Variants in SDS observed in about 807,000 individuals in gnomAD.
The protein encoded by SDS is serine dehydratase, also known as L-serine dehydratase/L-threonine deaminase.
Under a neutral mutation model 29.3 loss-of-function variants are expected in SDS, and 19 were observed. The ratio of observed to expected loss-of-function variants is 0.65; its 90% CI spans 0.45 to 0.95. The LOEUF (loss-of-function observed/expected upper bound fraction) is 0.95. SDS is among the 40% of genes least tolerant of loss of function. The pLI is 0.00. For synonymous variants in SDS, 176 were observed against 189.0 expected, an observed-to-expected ratio of 0.93 and a Z score of 0.56; for missense variants, 375 against 439.9, an observed-to-expected ratio of 0.85 and a Z score of 1.32.
At chr12:113,403,106 C>G (rs888774852) in intron 1 of SDS, among the ~76,000 whole-genome samples, 3 of 152,126 alleles carry the variant, frequency 2.0e-5, no homozygotes, top group Non-Finnish European at 4.4e-5. Flanking sequence ...TGGACACAAA[C>G]TCAGTGTTTA....
chr12:113,400,868 C>A (rs1396521959), intron 1 of SDS, among the ~76,000 whole-genome samples: 1 of 151,856 alleles, frequency 6.6e-6, no homozygotes, highest in African/African-American at 2.4e-5. Context: ...TTAAAAAAAA[C>A]CTGGGCTGGG....
chr12:113,395,551 G>A (rs1051014757), intron 6 of SDS, among the ~76,000 whole-genome samples: 2 of 152,214 alleles, frequency 1.3e-5, no homozygotes, highest in African/African-American at 4.8e-5. Flanking sequence ...TCAGGCCAAC[G>A]AAAGGTAAGT....
chr12:113,402,572 C>T (rs1335796711), intron 1 of SDS, among the ~76,000 whole-genome samples: 1 of 152,188 alleles, frequency 6.6e-6, no homozygotes, highest in Non-Finnish European at 1.5e-5. Flanking sequence ...GGATTACAGG[C>T]GTGAGCCACC....
In SDS at chr12:113,393,022, G is replaced by A. The variant is rs774848424; in HGVS notation, c.906C>T (p.Val302=). ...RTPLPSLVVI[V]CGGSNISLAQ... is the part of the protein sequence containing the mutation. ...CCAGGCTGATGTTGCTGCCCCCGCA[G>A]ACGATGACCACGAGGGATGGCAGCG... The change falls in exon 8 of 8, where the codon GTC becomes GTT. Residue 302 remains valine, a synonymous_variant. Transcript: ENST00000257549. The A allele has an allele frequency of 6.2e-7, 1 of 1,614,234 alleles. No homozygotes were observed. The highest frequency in any genetic ancestry group is 8.5e-7 in the Non-Finnish European group (1 of 1,180,048).
chr12:113,398,378 G>C, intron 5 of SDS, 137 bp downstream of exon 5: 1 of 616,654 alleles, frequency 1.6e-6, no homozygotes, highest in Non-Finnish European at 2.8e-6. Context: ...GCCTAAGTGT[G>C]CTTCTACATG....
Position 113,397,244 on chromosome 12 carries a change from C to T in SDS, c.574G>A (p.Ala192Thr), listed in dbSNP as rs780817430. ...CTGTGGGCACCAAAAGTCTCCATGGCGATGACAGGCACGTCCCCCCAGCCC... is the reference window on the plus strand; with the variant it reads ...CTGTGGGCACCAAAAGTCTCCATGGTGATGACAGGCACGTCCCCCCAGCCC... ...EVGWGDVPVIAMETFGAHSFH... is the reference protein window; with the variant it reads ...EVGWGDVPVITMETFGAHSFH... Residue 192 changes from alanine to threonine, a missense_variant, in exon 6 of 8, where the codon GCC (alanine) becomes ACC (threonine). By Grantham distance (58) the Ala-to-Thr change is moderately conservative (BLOSUM62 0). Coordinates refer to ENST00000257549, the MANE Select transcript of SDS (RefSeq NM_006843.3). 7 of 1,614,160 alleles carry T rather than the reference C, an allele frequency of 4.3e-6. No individual in the cohort carries two copies. The highest frequency in any genetic ancestry group is 1.1e-5 in the South Asian group (1 of 91,076).
Position 113,398,536 on chromosome 12 carries a change from G to T in SDS, c.404C>A (p.Pro135His), listed in dbSNP as rs760055363. The T allele has an allele frequency of 1.2e-5, 19 of 1,590,736 alleles. No homozygotes were observed. Among genetic ancestry groups the T allele is most frequent in the East Asian group, 2.2e-5 (1 of 44,602 alleles). ...KNNPGWVYIP[P>H]FDDPLIWEGH... ...ATACCAGATGAGGGGGTCATCAAAG[G>T]GGGGAATGTAGACCCAACCCGGGTT... Residue 135 changes from proline to histidine, a missense_variant, in exon 5 of 8, where the codon CCC (proline) becomes CAC (histidine). By Grantham distance (77) the Pro-to-His change is moderately conservative. Transcript: ENST00000257549.
At position 113,397,358 on chromosome 12, in the gene SDS, C is replaced by G. The variant is rs368719444; in HGVS notation, c.460G>C (p.Glu154Gln). Reference protein sequence around the residue: ...GHASIVKELKETLWEKPGAIA... With the variant: ...GHASIVKELKQTLWEKPGAIA... ...GCCCCCGGCTTTTCCCACAGTGTCT[C>G]CTTCAGCTCTTTCACGATGGAAGCG... Residue 154 changes from glutamate to glutamine, a missense_variant, in exon 6 of 8, where the codon GAG becomes CAG. Transcript: ENST00000257549. 2.5e-6 allele frequency: 4 copies of G among 1,612,074 alleles called. No homozygotes were observed. The African/African-American group carries it at 5.3e-5, about 22-fold the overall frequency.
At chr12:113,399,855 A>C in intron 1 of SDS, 145 bp from the exon 2 acceptor site, 1 of 739,588 alleles carries the variant, frequency 1.4e-6, no homozygotes, top group Non-Finnish European at 2.1e-6. Context: ...TCTAATCGCA[A>C]GTGGGCCACC....
chr12:113,399,029 T>C (rs1957667444), intron 3 of SDS, 83 bp downstream of exon 3: 1 of 1,588,802 alleles, frequency 6.3e-7, no homozygotes, highest in Non-Finnish European at 8.6e-7. Context: ...GGCACATTGC[T>C]GGGGAAACCA....
rs1263696524 is a variant in SDS at position 113,393,157 on chromosome 12, A to G, written c.779-8T>C. 1 of 1,613,228 alleles carries G rather than the reference A, an allele frequency of 6.2e-7. No homozygotes were observed. The highest frequency in any genetic ancestry group is 2.2e-5 in the East Asian group (1 of 44,888). On this transcript the variant is annotated splice_polypyrimidine_tract_variant and splice_region_variant and intron_variant, in intron 7 of 7. Coordinates refer to ENST00000257549, the MANE Select transcript of SDS (RefSeq NM_006843.3). The stretch of plus-strand genomic sequence containing the variant: ...CCAGGATCTTCTCATCATCTGCCAG[A>G]GAAGGGGCGTGACAGGGGCGTGGCC...
chr12:113,401,180 C>T (rs978327597), intron 1 of SDS, among the ~76,000 whole-genome samples: 9 of 152,144 alleles, frequency 5.9e-5, no homozygotes, highest in Admixed American at 5.9e-4. Context: ...TTCCAAGTAT[C>T]TTGGCTTAAA....
At chr12:113,403,049 G>A (rs1269217383) in intron 1 of SDS, among the ~76,000 whole-genome samples, 3 of 152,176 alleles carry the variant, frequency 2.0e-5, no homozygotes, top group Admixed American at 6.5e-5. Context: ...GGAGGAAGGC[G>A]CTATGCTCAT....
intron 1 of SDS, among the ~76,000 whole-genome samples, chr12:113,403,522 C>T (rs1479402600): frequency 1.3e-5 from 2 of 151,430 alleles, no homozygotes; most frequent in East Asian, 3.9e-4. Flanking sequence ...AGACCTCTGT[C>T]TTAAAAAAAA....
At position 113,402,672 on chromosome 12, in the gene SDS, C is replaced by T. The variant is rs144075191; in HGVS notation, c.-3+1096G>A. On this transcript the variant is annotated intron_variant, in intron 1 of 7. Coordinates refer to ENST00000257549, the MANE Select transcript of SDS (RefSeq NM_006843.3). ...GGGTGGGAGTCAGAGGAGCCGGCCA[C>T]GAAGACCCTTTTCAGGTGGGTTTGG... Among the ~76,000 whole-genome samples the T allele has an allele frequency of 1.8e-3, 278 of 152,282 alleles. 1 individual carries two copies. The highest frequency in any genetic ancestry group is 6.3e-3 in the African/African-American group (260 of 41,560).
intron 6 of SDS, among the ~76,000 whole-genome samples, chr12:113,396,403 TCTC>T (rs1366071835): frequency 2.0e-5 from 3 of 150,786 alleles, no homozygotes; most frequent in Non-Finnish European, 4.4e-5. Context: ...TTCCTTTCTT[TCTC>T]TTTTTTCTTT....
At chr12:113,394,693 G>A (rs1021383008) in intron 6 of SDS, among the ~76,000 whole-genome samples, 5 of 152,094 alleles carry the variant, frequency 3.3e-5, no homozygotes, top group Admixed American at 6.5e-5. Context: ...TCGGCACAGC[G>A]TCATATTCTG....
intron 5 of SDS, among the ~76,000 whole-genome samples, chr12:113,398,294 C>T (rs1957660866): frequency 6.6e-6 from 1 of 152,192 alleles, no homozygotes; most frequent in Non-Finnish European, 1.5e-5. Context: ...TGGTCTCAAA[C>T]ACCTGACCTC....
chr12:113,400,061 A>G (rs1032681806), intron 1 of SDS, among the ~76,000 whole-genome samples: 21 of 152,214 alleles, frequency 1.4e-4, no homozygotes, highest in Admixed American at 3.3e-4. Flanking sequence ...TGGGAGGCCA[A>G]GGCTGGTGGA....
Sources: gnomAD v4.1 joint callset for allele counts (sites outside exome capture counted in the v4.1 genomes callset) on GRCh38, gnomAD v4.1.1 for gene constraint, MANE v1.5 for transcripts, NCBI Gene and HGNC (gene_info 2026-07-23, HGNC 2026-07-21) for gene names.